MYH16: variants seen among roughly 807,000 people sequenced by gnomAD.
MYH16 encodes the protein putative uncharacterized protein MYH16.
At chr7:99,270,586 G>A (rs892517515) in intron 18 of MYH16, among the ~76,000 whole-genome samples, 10 of 151,374 alleles carry the variant, frequency 6.6e-5, no homozygotes, top group African/African-American at 2.4e-4. Context: ...CAAAGTGCTG[G>A]GATTACAGGC....
exon 22 of MYH16, chr7:99,279,651 C>T (rs935980834): frequency 2.6e-5 from 12 of 456,412 alleles, no homozygotes; most frequent in Non-Finnish European, 4.0e-5. Flanking sequence ...TGCCGCCAAG[C>T]GCAAGTTGGA....
At chr7:99,297,598 C>T (rs986926751) in intron 34 of MYH16, 62 bp from the exon 16 acceptor site, 15 of 423,078 alleles carry the variant, frequency 3.5e-5, no homozygotes, top group African/African-American at 1.0e-4. Flanking sequence ...GGAGGAATGA[C>T]GGTGCCACCT....
chr7:99,309,747 G>A (rs1463040479), downstream of MYH16, among the ~76,000 whole-genome samples: 7 of 152,228 alleles, frequency 4.6e-5, no homozygotes, highest in Admixed American at 4.6e-4. Context: ...CAATTGCTCT[G>A]TCACAGCAAG....
chr7:99,259,545 G>T (rs1006782077), intron 11 of MYH16, among the ~76,000 whole-genome samples: 1 of 151,646 alleles, frequency 6.6e-6, no homozygotes, highest in East Asian at 1.9e-4. Context: ...TGCAACCTCC[G>T]CCTCCAGGGT....
chr7:99,310,176 T>C (rs1342687041), downstream of MYH16, among the ~76,000 whole-genome samples: 1 of 151,724 alleles, frequency 6.6e-6, no homozygotes, highest in East Asian at 1.9e-4. Context: ...CACACAAAAG[T>C]GCAAAGGTGG....
At chr7:99,276,784 A>G (rs544608588) in intron 20 of MYH16, among the ~76,000 whole-genome samples, 1 of 152,340 alleles carries the variant, frequency 6.6e-6, no homozygotes, top group African/African-American at 2.4e-5. Context: ...AGTGAGAGAG[A>G]GAGAGGGAGA....
chr7:99,290,194 A>G (rs1344505816), intron 30 of MYH16, among the ~76,000 whole-genome samples: 1 of 152,132 alleles, frequency 6.6e-6, no homozygotes, highest in Non-Finnish European at 1.5e-5. Context: ...ATTCTTTAAC[A>G]ATATCCTGGC....
At chr7:99,307,720 A>G (rs1024223686), downstream of MYH16, among the ~76,000 whole-genome samples, 2 of 152,094 alleles carry the variant, frequency 1.3e-5, no homozygotes, top group Non-Finnish European at 2.9e-5. Context: ...CAAAGAAAAA[A>G]AAGTCAAAAT....
chr7:99,280,951 G>T (rs1211789271), exon 23 of MYH16: 5 of 426,104 alleles, frequency 1.2e-5, no homozygotes, highest in Non-Finnish European at 2.4e-5. Flanking sequence ...GCTCCAGAAG[G>T]AGAAGAGGGC....
intron 22 of MYH16, among the ~76,000 whole-genome samples, chr7:99,280,633 A>G (rs890809332): frequency 1.3e-5 from 2 of 152,184 alleles, no homozygotes; most frequent in African/African-American, 4.8e-5. Flanking sequence ...AGTCTGGTGG[A>G]GCCCAAGGGT....
At chr7:99,271,157 C>T (rs1005773050) in intron 19 of MYH16, 3 of 152,612 alleles carry the variant, frequency 2.0e-5, no homozygotes, top group Non-Finnish European at 4.4e-5. Flanking sequence ...GCCAGCTCCA[C>T]TGGCCATGCT....
At chr7:99,287,343 G>C (rs1441688490) in intron 28 of MYH16, among the ~76,000 whole-genome samples, 1 of 151,958 alleles carries the variant, frequency 6.6e-6, no homozygotes, top group Admixed American at 6.6e-5. Flanking sequence ...GATCAGCCTG[G>C]TAAACATGGT....
intron 3 of MYH16, among the ~76,000 whole-genome samples, chr7:99,248,258 C>T (rs531347436): frequency 6.6e-6 from 1 of 152,232 alleles, no homozygotes; most frequent in African/African-American, 2.4e-5. Context: ...TGTGCCACCA[C>T]ACCCAGCTAA....
intron 28 of MYH16, among the ~76,000 whole-genome samples, chr7:99,287,232 A>T (rs947521920): frequency 2.6e-5 from 4 of 151,952 alleles, no homozygotes; most frequent in African/African-American, 9.7e-5. Flanking sequence ...TAGTATAGTG[A>T]GTAGAAATGT....
chr7:99,278,600 A>G (rs751395934), intron 21 of MYH16, among the ~76,000 whole-genome samples: 5 of 152,154 alleles, frequency 3.3e-5, no homozygotes, highest in East Asian at 1.9e-4. Context: ...TTTCACGTGC[A>G]TCGTACAGGG....
intron 20 of MYH16, among the ~76,000 whole-genome samples, chr7:99,276,859 G>C (rs1184649054): frequency 6.6e-6 from 1 of 152,090 alleles, no homozygotes; most frequent in Non-Finnish European, 1.5e-5. Context: ...GAAAATGAGA[G>C]AGAGAGAGAC....
intron 6 of MYH16, among the ~76,000 whole-genome samples, chr7:99,251,980 G>C (rs1226165373): frequency 6.6e-6 from 1 of 151,936 alleles, no homozygotes; most frequent in Non-Finnish European, 1.5e-5. Context: ...ATCTCAGGGG[G>C]GATAAAAAGC....
intron 30 of MYH16, among the ~76,000 whole-genome samples, chr7:99,290,205 T>C (rs1792348360): frequency 6.6e-6 from 1 of 152,178 alleles, no homozygotes; most frequent in African/African-American, 2.4e-5. Flanking sequence ...ATATCCTGGC[T>C]GGGTGCAGTG....
intron 5 of MYH16, among the ~76,000 whole-genome samples, chr7:99,250,343 G>T (rs968709237): frequency 6.6e-6 from 1 of 152,314 alleles, no homozygotes; most frequent in East Asian, 1.9e-4. Context: ...TCTTGGCAGA[G>T]GAGAAACAGG....
Sources: gnomAD v4.1 joint callset for allele counts (sites outside exome capture counted in the v4.1 genomes callset) on GRCh38, gnomAD v4.1.1 for gene constraint, MANE v1.5 for transcripts, NCBI Gene and HGNC (gene_info 2026-07-23, HGNC 2026-07-21) for gene names.